The following MYD88 variants were observed in gnomAD, a reference collection of about 807,000 sequenced individuals.
MYD88 encodes the protein MYD88 innate immune signal transduction adaptor.
MYD88 carries 15 observed loss-of-function variants against 31.1 expected under a neutral mutation model. That is an observed-to-expected ratio of 0.48 (90% CI 0.32 to 0.74). The LOEUF is 0.74. MYD88 is among the 30% of genes least tolerant of loss of function. The pLI, the probability that MYD88 is intolerant of heterozygous loss-of-function variation, is 0.03. For missense variants in MYD88, 308 were observed against 387.4 expected, an observed-to-expected ratio of 0.79 and a Z score of 1.72; for synonymous variants, 157 against 158.8, an observed-to-expected ratio of 0.99 and a Z score of 0.08.
rs1418257391 is a variant in MYD88 at position 38,141,225 on chromosome 3, C to T, written c.830C>T (p.Thr277Ile). The change falls in exon 5 of 5, where the codon ACC becomes ATC. Residue 277 changes from threonine to isoleucine, a missense_variant. Thr to Ile is a moderately conservative substitution (Grantham distance 89, BLOSUM62 -1). Coordinates refer to ENST00000650905, the MANE Select transcript of MYD88 (RefSeq NM_002468.5). ...ILRFITVCDY[T>I]NPCTKSWFWT... ...AGGTTCATCACTGTCTGCGACTACA[C>T]CAACCCCTGCACCAAATCTTGGTTC... The T allele has an allele frequency of 6.2e-7, 1 of 1,614,112 alleles. No individual in the cohort carries two copies. The highest frequency in any genetic ancestry group is 1.3e-5 in the African/African-American group (1 of 74,920).
In MYD88 at chr3:38,140,480, A is replaced by C; in HGVS notation, c.556A>C (p.Asn186His). ...GATGATCCGGCAACTGGAACAGACA[A>C]ACTATCGACTGAAGTTGTGTGTGTC... Reference protein sequence around the residue: ...QEMIRQLEQTNYRLKLCVSDR... With the variant: ...QEMIRQLEQTHYRLKLCVSDR... Residue 186 changes from asparagine (N) to histidine (H), a missense_variant, in exon 3 of 5, where the codon AAC (asparagine) becomes CAC (histidine). By Grantham distance (68) the Asn-to-His change is moderately conservative. Coordinates refer to ENST00000650905, the MANE Select transcript of MYD88 (RefSeq NM_002468.5). The C allele has an allele frequency of 6.2e-7, 1 of 1,614,218 alleles. No homozygotes were observed. Among genetic ancestry groups the C allele is most frequent in the Non-Finnish European group, 8.5e-7 (1 of 1,180,030 alleles).
chr3:38,138,726 G>A lies in MYD88; in HGVS notation c.26G>A (p.Gly9Glu), dbSNP rs905392063. 6.2e-7 allele frequency: 1 copy of A among 1,606,032 alleles called. No homozygotes were observed. Among genetic ancestry groups the A allele is most frequent in the Non-Finnish European group, 8.5e-7 (1 of 1,174,976 alleles). ...ATGGCTGCAGGAGGTCCCGGCGCGG[G>A]GTCTGCGGCCCCGGTCTCCTCCACA... MAAGGPGA[G>E]SAAPVSSTSS... Residue 9 changes from glycine to glutamate, a missense_variant, in exon 1 of 5, where the codon GGG becomes GAG. Transcript: ENST00000650905. This position sits in a 1 kb window ranked among gnomAD's most constrained non-coding sequence, Gnocchi z 6.4.
intron 4 of MYD88, 104 bp from the exon 5 acceptor site, chr3:38,141,028 T>C (rs1476284028): frequency 4.8e-5 from 73 of 1,514,282 alleles, no homozygotes; most frequent in Non-Finnish European, 6.5e-5. Flanking sequence ...GTGCCAGGGG[T>C]ACTTAGATGG....
intron 4 of MYD88, 129 bp from the exon 5 acceptor site, chr3:38,141,003 T>C: frequency 7.0e-7 from 1 of 1,429,800 alleles, no homozygotes; most frequent in Non-Finnish European, 9.9e-7. Flanking sequence ...TGTGCCTTTT[T>C]GTGTGAGTGA....
At chr3:38,140,649 G>A in intron 3 of MYD88, 81 bp downstream of exon 3, 1 of 1,604,422 alleles carries the variant, frequency 6.2e-7, no homozygotes, top group Non-Finnish European at 8.5e-7. Flanking sequence ...TCTCCTCCTA[G>A]CTGTGCACTG....
rs185388621 is a variant in MYD88 at position 38,142,523 on chromosome 3, A to T, written c.*1237A>T. On this transcript the variant is annotated 3_prime_UTR_variant, in exon 5 of 5. Coordinates refer to ENST00000650905, the MANE Select transcript of MYD88 (RefSeq NM_002468.5). ...AAGGACCCAATGTACCAGTATTTAT[A>T]CCTCTAATGAAGCACAGAGAGAGGA... 1 of 233,174 alleles carries T rather than the reference A, an allele frequency of 4.3e-6. No individual in the cohort carries two copies. The highest frequency in any genetic ancestry group is 8.5e-6 in the Non-Finnish European group (1 of 118,062). The allele number at this position is 233,174 out of a possible 1,614,324, so 14.4% of individuals were successfully genotyped here.
chr3:38,138,739 G>T lies in MYD88; in HGVS notation c.39G>T (p.Pro13=), dbSNP rs1292597861. 1 of 1,609,154 alleles carries T rather than the reference G, an allele frequency of 6.2e-7. No homozygotes were observed. Among genetic ancestry groups the T allele is most frequent in the Non-Finnish European group, 8.5e-7 (1 of 1,177,308 alleles). ...GTCCCGGCGCGGGGTCTGCGGCCCC[G>T]GTCTCCTCCACATCCTCCCTTCCCC... The part of the protein sequence containing the change: ...AGGPGAGSAA[P]VSSTSSLPLA... The change falls in exon 1 of 5, where the codon CCG becomes CCT. Residue 13 remains proline, a synonymous_variant. Transcript: ENST00000650905. This position sits in a 1 kb window ranked among gnomAD's most constrained non-coding sequence, Gnocchi z 6.4.
Position 38,138,721 on chromosome 3 carries a change from C to A in MYD88, c.21C>A (p.Gly7=). ...CCGCCATGGCTGCAGGAGGTCCCGG[C>A]GCGGGGTCTGCGGCCCCGGTCTCCT... MAAGGP[G]AGSAAPVSST... The change falls in exon 1 of 5, where the codon GGC becomes GGA. Residue 7 remains glycine (G), a synonymous_variant. Transcript: ENST00000650905. The surrounding 1 kb of genome is among the most constrained non-coding windows in gnomAD (Gnocchi z 6.4). 1 of 1,605,480 alleles carries A rather than the reference C, an allele frequency of 6.2e-7. No homozygotes were observed. The highest frequency in any genetic ancestry group is 1.3e-5 in the African/African-American group (1 of 74,912).
intron 2 of MYD88, 60 bp downstream of exon 2, chr3:38,140,058 C>A (rs756314532): frequency 1.3e-6 from 2 of 1,597,774 alleles, no homozygotes; most frequent in East Asian, 4.5e-5. Flanking sequence ...GTGTTAAGAG[C>A]ATGGGTGTTT....
chr3:38,140,946 C>A, intron 4 of MYD88, 98 bp downstream of exon 4: 1 of 1,373,154 alleles, frequency 7.3e-7, no homozygotes, highest in Non-Finnish European at 1.0e-6. Context: ...GATGCAGTAC[C>A]AAAGAACTGC....
rs571950522 is a variant in MYD88, at chr3:38,139,171, T to G, written c.328+143T>G. ...GCCTGCAGAGGGAGAACCATGCGGG[T>G]CCCGTTCCTTCTTAATAACCGGTCG... On this transcript the variant is annotated intron_variant, in intron 1 of 4. Transcript: ENST00000650905. This position sits in a 1 kb window ranked among gnomAD's most constrained non-coding sequence, Gnocchi z 4.7. 69 of 1,141,858 alleles carry G rather than the reference T, an allele frequency of 6.0e-5. No individual in the cohort carries two copies. The highest frequency in any genetic ancestry group is 8.0e-5 in the Non-Finnish European group (67 of 832,568). The allele number at this position is 1,141,858 out of a possible 1,614,324, so 70.7% of individuals were successfully genotyped here. A position where few individuals can be genotyped will look rare whatever the true frequency, so the allele number is the denominator to read the frequency against.
intron 2 of MYD88, 87 bp from the exon 3 acceptor site, chr3:38,140,301 G>A: frequency 6.8e-7 from 1 of 1,463,862 alleles, no homozygotes; most frequent in African/African-American, 1.4e-5. Flanking sequence ...GCAGGGCCCA[G>A]GGTTGCCTAG....
chr3:38,138,677 G>T lies in MYD88; in HGVS notation c.-24G>T. 1 of 1,571,146 alleles carries T rather than the reference G, an allele frequency of 6.4e-7. No individual in the cohort carries two copies. ...CTGGCAGACAATGCGACCCGACCGC[G>T]CTGAGGCTCCAGGACCGCCCGCCAT... is the stretch of plus-strand genomic sequence containing the variant. On this transcript the variant is annotated 5_prime_UTR_variant, in exon 1 of 5. Transcript: ENST00000650905. The surrounding 1 kb of genome is among the most constrained non-coding windows in gnomAD (Gnocchi z 6.4).
chr3:38,141,037 G>T, intron 4 of MYD88, 95 bp from the exon 5 acceptor site: 1 of 1,552,272 alleles, frequency 6.4e-7, no homozygotes, highest in Middle Eastern at 1.7e-4. Flanking sequence ...GTACTTAGAT[G>T]GGGGATGGCT....
chr3:38,140,158 C>T (rs1575276435), intron 2 of MYD88, 160 bp downstream of exon 2: 1 of 1,031,832 alleles, frequency 9.7e-7, no homozygotes, highest in Non-Finnish European at 1.5e-6. Context: ...AATAGTCCTA[C>T]CTCTGGATTG....
In MYD88 at chr3:38,142,771, C is replaced by T. The variant is rs938917268; in HGVS notation, c.*1485C>T. 15 of 233,250 alleles carry T rather than the reference C, an allele frequency of 6.4e-5. No homozygotes were observed. The highest frequency in any genetic ancestry group is 3.3e-4 in the African/African-American group (15 of 45,450). The allele number at this position is 233,250 out of a possible 1,614,324, so 14.4% of individuals were successfully genotyped here. On this transcript the variant is annotated 3_prime_UTR_variant, in exon 5 of 5. Coordinates refer to ENST00000650905, the MANE Select transcript of MYD88 (RefSeq NM_002468.5). ...GCCAGGCTGGAGCAAGGTACCTTTT[C>T]TTAGGATCTTGGGAGGGAATGGATG...
In MYD88 at chr3:38,138,781, G is replaced by C; in HGVS notation, c.81G>C (p.Met27Ile). The C allele has an allele frequency of 4.3e-6, 7 of 1,613,234 alleles. No homozygotes were observed. Among genetic ancestry groups the C allele is most frequent in the Non-Finnish European group, 5.1e-6 (6 of 1,179,982 alleles). Reference sequence around the variant, plus strand: ...CCCTTCCCCTGGCTGCTCTCAACATGCGAGTGCGGCGCCGCCTGTCTCTGT... The same window carrying C: ...CCCTTCCCCTGGCTGCTCTCAACATCCGAGTGCGGCGCCGCCTGTCTCTGT... ...TSSLPLAALNMRVRRRLSLFL... is the reference protein window; with the variant it reads ...TSSLPLAALNIRVRRRLSLFL... Residue 27 changes from methionine to isoleucine, a missense_variant, in exon 1 of 5, where the codon ATG becomes ATC. Coordinates refer to ENST00000650905, the MANE Select transcript of MYD88 (RefSeq NM_002468.5). The surrounding 1 kb of genome is among the most constrained non-coding windows in gnomAD (Gnocchi z 6.4).
intron 4 of MYD88, 73 bp from the exon 5 acceptor site, chr3:38,141,059 T>A: frequency 6.2e-7 from 1 of 1,604,644 alleles, no homozygotes; most frequent in Admixed American, 1.7e-5. Context: ...TTGTTAACCC[T>A]GGGGTTGAAG....
Position 38,142,394 on chromosome 3 carries a change from A to T in MYD88, c.*1108A>T, listed in dbSNP as rs1184689491. ...CAGCTCCCAGGAACAGCTAGGTGGG[A>T]AAGTCCCATCACTGAGGGAGCCTAA... On this transcript the variant is annotated 3_prime_UTR_variant, in exon 5 of 5. Coordinates refer to ENST00000650905, the MANE Select transcript of MYD88 (RefSeq NM_002468.5). 1 of 233,308 alleles carries T rather than the reference A, an allele frequency of 4.3e-6. No individual in the cohort carries two copies. Among genetic ancestry groups the T allele is most frequent in the East Asian group, 6.0e-5 (1 of 16,588 alleles). The allele number at this position is 233,308 out of a possible 1,614,324, so 14.5% of individuals were successfully genotyped here.
Sources: gnomAD v4.1 joint callset for allele counts on GRCh38, gnomAD v4.1.1 for gene constraint, Gnocchi (gnomAD v3.1) non-coding constraint, MANE v1.5 for transcripts, NCBI Gene and HGNC (gene_info 2026-07-23, HGNC 2026-07-21) for gene names.